FOXJ3: variants seen among roughly 807,000 people sequenced by gnomAD.
FOXJ3 encodes the protein forkhead box protein J3.
In FOXJ3, 22 loss-of-function variants were observed where a neutral mutation model predicts 76.1. That is an observed-to-expected ratio of 0.29 (90% CI 0.21 to 0.41). FOXJ3 has a LOEUF of 0.41. FOXJ3 is among the 10% of genes least tolerant of loss of function. The pLI, the probability that FOXJ3 is intolerant of heterozygous loss-of-function variation, is 1.00. For missense variants in FOXJ3, 613 were observed against 762.1 expected, an observed-to-expected ratio of 0.80 and a Z score of 2.30; for synonymous variants, 269 against 261.2, an observed-to-expected ratio of 1.03 and a Z score of -0.29.
rs753140897 is a variant in FOXJ3 at position 42,191,597 on chromosome 1, G to A, written c.1057C>T (p.His353Tyr). The change falls in exon 9 of 13, where the codon CAT becomes TAT. Residue 353 changes from histidine (H) to tyrosine (Y), a missense_variant. This residue lies in a region of FOXJ3 where 526 missense variants were observed against 601.4 expected (regional missense o/e 0.87). Coordinates refer to ENST00000361346, the MANE Select transcript of FOXJ3 (RefSeq NM_014947.5). The part of the protein sequence containing the change: ...HSNQSSLSNS[H>Y]GSGLNTTGSN... ...CCTGTGGTGTTGAGGCCACTGCCAT[G>A]ACTGTTGGACAGGCTGCTTTGGTTG... 6.2e-7 allele frequency: 1 copy of A among 1,614,200 alleles called. No individual in the cohort carries two copies. Among genetic ancestry groups the A allele is most frequent in the Admixed American group, 1.7e-5 (1 of 60,026 alleles).
intron 2 of FOXJ3, chr1:42,280,533 T>A (rs75694406): frequency 1.8e-6 from 1 of 568,936 alleles, no homozygotes; most frequent in Non-Finnish European, 2.2e-6. Flanking sequence ...TAGGGACTTG[T>A]AGAATAAGAA....
chr1:42,234,843 C>G (rs1243407575), intron 4 of FOXJ3, among the ~76,000 whole-genome samples: 1 of 152,138 alleles, frequency 6.6e-6, no homozygotes, highest in African/African-American at 2.4e-5. Context: ...TACTCGGTGC[C>G]TCCAGTTAGG....
chr1:42,191,762 A>G, intron 8 of FOXJ3, 43 bp from the exon 9 acceptor site: 1 of 1,580,870 alleles, frequency 6.3e-7, no homozygotes, highest in South Asian at 1.1e-5. Context: ...TTTCAGTTGT[A>G]TTTTATGACA....
chr1:42,287,965 C>T (rs1653167964), intron 2 of FOXJ3, among the ~76,000 whole-genome samples: 1 of 151,682 alleles, frequency 6.6e-6, no homozygotes, highest in South Asian at 2.1e-4. Context: ...GACCCTGTCA[C>T]AAAAAAATAA....
chr1:42,266,777 T>C (rs942420806), intron 3 of FOXJ3, among the ~76,000 whole-genome samples: 2 of 152,002 alleles, frequency 1.3e-5, no homozygotes, highest in East Asian at 3.9e-4. Flanking sequence ...CAACCTTCCA[T>C]AGATTTTACA....
chr1:42,313,844 T>C (rs1041750469), intron 1 of FOXJ3, among the ~76,000 whole-genome samples: 1 of 152,310 alleles, frequency 6.6e-6, no homozygotes, highest in African/African-American at 2.4e-5. Context: ...TCTTTACTGT[T>C]TTATGTGTGA....
chr1:42,313,626 T>C (rs1046404458), intron 1 of FOXJ3, among the ~76,000 whole-genome samples: 1 of 152,128 alleles, frequency 6.6e-6, no homozygotes, highest in Non-Finnish European at 1.5e-5. Context: ...CTAGACATCC[T>C]TGGGACCAGG....
At chr1:42,242,949 A>C (rs1265851838) in intron 4 of FOXJ3, among the ~76,000 whole-genome samples, 1 of 74,478 alleles carries the variant, frequency 1.3e-5, no homozygotes, top group African/African-American at 4.1e-5. Flanking sequence ...CAAGAAAAAA[A>C]CTAGTCTATT....
In FOXJ3 at chr1:42,299,602, CATTCAAGGTTAAT is replaced by C. The variant is rs1557708957; in HGVS notation, c.44+11435_44+11447del. Among the ~76,000 whole-genome samples the C allele has an allele frequency of 4.0e-5, 6 of 149,934 alleles. No homozygotes were observed. In the South Asian group the frequency reaches 1.3e-3, roughly 32 times the overall value. On this transcript the variant is annotated intron_variant, in intron 2 of 12. Coordinates refer to ENST00000361346, the MANE Select transcript of FOXJ3 (RefSeq NM_014947.5). The stretch of plus-strand genomic sequence containing the variant: ...TTAAGCGGAGCATTTAGGCCATTTA[CATTCAAGGTTAAT>C]ATTGATATGTGGCTGGGTGTGGTGG...
intron 2 of FOXJ3, among the ~76,000 whole-genome samples, chr1:42,308,259 A>G (rs1033111309): frequency 6.6e-5 from 10 of 152,238 alleles, no homozygotes; most frequent in Non-Finnish European, 1.5e-4. Context: ...AAGGCAAACA[A>G]GCAGTGTTTG....
At chr1:42,285,177 G>A (rs1458243453) in intron 2 of FOXJ3, among the ~76,000 whole-genome samples, 6 of 151,996 alleles carry the variant, frequency 3.9e-5, no homozygotes, top group Non-Finnish European at 8.8e-5. Context: ...ATAGGTAAAC[G>A]TGTGCCATGG....
intron 8 of FOXJ3, among the ~76,000 whole-genome samples, chr1:42,193,922 T>C (rs547684431): frequency 3.5e-4 from 53 of 152,260 alleles, no homozygotes; most frequent in African/African-American, 1.2e-3. Flanking sequence ...TTTTTGCCCT[T>C]CCATGTCGTC....
chr1:42,225,632 C>T (rs1647493210), intron 5 of FOXJ3, among the ~76,000 whole-genome samples: 1 of 152,038 alleles, frequency 6.6e-6, no homozygotes, highest in African/African-American at 2.4e-5. Context: ...TATTAGTAAT[C>T]GAAAGGCCCT....
At chr1:42,249,472 A>G (rs545562434) in intron 4 of FOXJ3, among the ~76,000 whole-genome samples, 2 of 152,210 alleles carry the variant, frequency 1.3e-5, no homozygotes, top group South Asian at 4.1e-4. Flanking sequence ...GAAGTGAAAT[A>G]AGTTTTCTGG....
intron 7 of FOXJ3, among the ~76,000 whole-genome samples, chr1:42,198,425 A>T (rs763435397): frequency 6.6e-6 from 1 of 152,136 alleles, no homozygotes; most frequent in Non-Finnish European, 1.5e-5. Context: ...AACAACAGGG[A>T]GTGACCTGGT....
intron 1 of FOXJ3, among the ~76,000 whole-genome samples, chr1:42,328,562 C>G (rs1318617281): frequency 6.6e-6 from 1 of 151,994 alleles, no homozygotes. Flanking sequence ...ATTCTTAGAG[C>G]AACCAAGTGG....
chr1:42,308,694 G>A (rs1654615502), intron 2 of FOXJ3, among the ~76,000 whole-genome samples: 1 of 152,088 alleles, frequency 6.6e-6, no homozygotes, highest in African/African-American at 2.4e-5. Context: ...TAGATATATA[G>A]CTATATCCCA....
At chr1:42,326,034 T>C (rs114441788) in intron 1 of FOXJ3, among the ~76,000 whole-genome samples, 1 of 152,096 alleles carries the variant, frequency 6.6e-6, no homozygotes, top group African/African-American at 2.4e-5. Flanking sequence ...GCGGATCACA[T>C]GAGGTCTGGA....
In FOXJ3 at chr1:42,246,084, T is replaced by C. The variant is rs1476420543; in HGVS notation, c.445-18118A>G. Among the ~76,000 whole-genome samples the C allele has an allele frequency of 2.6e-5, 4 of 152,034 alleles. No individual in the cohort carries two copies. In the South Asian group the frequency reaches 6.2e-4, roughly 24 times the overall value. The stretch of plus-strand genomic sequence containing the variant: ...CTAGAAGAAACACAGGGGAAATACT[T>C]CAGGACATTGAGTAGACAAAGATTT... On this transcript the variant is annotated intron_variant, in intron 4 of 12. Coordinates refer to ENST00000361346, the MANE Select transcript of FOXJ3 (RefSeq NM_014947.5).
Sources: gnomAD v4.1 joint callset for allele counts (sites outside exome capture counted in the v4.1 genomes callset) on GRCh38, gnomAD v4.1.1 for gene constraint, gnomAD v4.1.1 regional missense constraint, MANE v1.5 for transcripts, NCBI Gene and HGNC (gene_info 2026-07-23, HGNC 2026-07-21) for gene names.